ARRB1: variants seen among roughly 807,000 people sequenced by gnomAD.
ARRB1 encodes the protein beta-arrestin-1.
ARRB1 carries 21 observed loss-of-function variants against 56.8 expected under a neutral mutation model. The ratio of observed to expected loss-of-function variants is 0.37; its 90% CI spans 0.26 to 0.53. The LOEUF is 0.53. Ranked by LOEUF, ARRB1 falls within the 20% of genes least tolerant of loss-of-function variation. The probability of loss-of-function intolerance (pLI) is 0.88; values close to 1 mark genes in which losing one functional copy is unlikely to be tolerated. For missense variants in ARRB1, 424 were observed against 553.7 expected, an observed-to-expected ratio of 0.77 and a Z score of 2.35; for synonymous variants, 210 against 218.6, an observed-to-expected ratio of 0.96 and a Z score of 0.35.
At chr11:75,312,062 C>T (rs1172346232) in intron 1 of ARRB1, 2 of 1,289,502 alleles carry the variant, frequency 1.6e-6, no homozygotes, top group South Asian at 2.5e-5. Context: ...TGCTGATCAC[C>T]TCAGCCTCTC....
At chr11:75,314,686 G>C (rs1947232297) in intron 1 of ARRB1, among the ~76,000 whole-genome samples, 3 of 151,886 alleles carry the variant, frequency 2.0e-5, no homozygotes, top group Admixed American at 6.6e-5. Flanking sequence ...CTGCAGCCTT[G>C]ACCTCCCCAG....
intron 2 of ARRB1, among the ~76,000 whole-genome samples, chr11:75,289,235 CTT>C (rs1182766053): frequency 2.0e-5 from 3 of 152,234 alleles, no homozygotes; most frequent in Admixed American, 2.0e-4. Flanking sequence ...CAGCCTCTCT[CTT>C]GGCACTCTGA....
intron 1 of ARRB1, among the ~76,000 whole-genome samples, chr11:75,329,575 T>G (rs1480116725): frequency 6.6e-6 from 1 of 152,208 alleles, no homozygotes; most frequent in African/African-American, 2.4e-5. Context: ...GGTGTGACTA[T>G]GACCACTACG....
intron 3 of ARRB1, among the ~76,000 whole-genome samples, chr11:75,286,822 C>T (rs1280107201): frequency 6.6e-6 from 1 of 152,172 alleles, no homozygotes; most frequent in African/African-American, 2.4e-5. Flanking sequence ...TTCACAAGTC[C>T]TAAGAAGGGT....
intron 1 of ARRB1, among the ~76,000 whole-genome samples, chr11:75,290,345 G>A (rs1024142469): frequency 6.6e-6 from 1 of 152,158 alleles, no homozygotes; most frequent in Non-Finnish European, 1.5e-5. Context: ...AGCCTGGCAT[G>A]CTGTAAGGTC....
chr11:75,333,570 AG>A (rs1947552845), intron 1 of ARRB1, among the ~76,000 whole-genome samples: 1 of 152,210 alleles, frequency 6.6e-6, no homozygotes, highest in Non-Finnish European at 1.5e-5. Context: ...GCATGTATTG[AG>A]CACCTACTGT....
At chr11:75,310,300 C>T (rs559894962) in intron 1 of ARRB1, among the ~76,000 whole-genome samples, 1 of 152,286 alleles carries the variant, frequency 6.6e-6, no homozygotes, top group African/African-American at 2.4e-5. Context: ...ATGCGCCTGG[C>T]ATGTAACCTG....
At chr11:75,282,203 T>C (rs944574446) in intron 5 of ARRB1, 182 bp from the exon 6 acceptor site, 5 of 592,654 alleles carry the variant, frequency 8.4e-6, no homozygotes, top group Admixed American at 6.2e-5. Context: ...AAGAGCTTTC[T>C]TTATCTAAAG....
At chr11:75,340,466 G>C (rs551385479) in intron 1 of ARRB1, among the ~76,000 whole-genome samples, 1 of 152,260 alleles carries the variant, frequency 6.6e-6, no homozygotes, top group Admixed American at 6.5e-5. Context: ...GGGAGGAAAG[G>C]AGCAGGGAGG....
intron 1 of ARRB1, among the ~76,000 whole-genome samples, chr11:75,326,946 A>T (rs1323099183): frequency 6.6e-6 from 1 of 151,864 alleles, no homozygotes; most frequent in African/African-American, 2.4e-5. Context: ...AGCTCAAGTG[A>T]TCTGCCCATC....
At chr11:75,282,654 A>G (rs1239004847) in intron 5 of ARRB1, among the ~76,000 whole-genome samples, 3 of 152,170 alleles carry the variant, frequency 2.0e-5, no homozygotes. Context: ...TGACCTCCAG[A>G]GCTGTAAGCT....
rs1009069254 is a variant in ARRB1 at position 75,281,506 on chromosome 11, G to C, written c.415-364C>G. On this transcript the variant is annotated intron_variant, in intron 6 of 15. Coordinates refer to ENST00000420843, the MANE Select transcript of ARRB1 (RefSeq NM_004041.5). ...CACCCGGCCCTGGGTGGCTTATCCG[G>C]TATTCCTCTAACAAGACAAGGAGGC... 5.3e-5 allele frequency: 18 copies of C among 341,294 alleles called. No individual in the cohort carries two copies. The South Asian group carries it at 7.3e-4, about 14-fold the overall frequency. 21.1% of individuals were successfully genotyped at this position (341,294 alleles called of 1,614,324 possible).
intron 1 of ARRB1, among the ~76,000 whole-genome samples, chr11:75,310,235 T>C (rs926387934): frequency 6.6e-6 from 1 of 152,112 alleles, no homozygotes; most frequent in Non-Finnish European, 1.5e-5. Context: ...ACCTGGATAA[T>C]AGGGCAACAC....
chr11:75,286,912 G>A (rs1000624371), intron 3 of ARRB1, among the ~76,000 whole-genome samples: 1 of 152,084 alleles, frequency 6.6e-6, no homozygotes, highest in African/African-American at 2.4e-5. Flanking sequence ...TTTGAACCGG[G>A]CTCCTCTATC....
chr11:75,267,406 G>C lies in ARRB1; in HGVS notation c.1145+246C>G, dbSNP rs905154345. On this transcript the variant is annotated intron_variant, in intron 15 of 15. Coordinates refer to ENST00000420843, the MANE Select transcript of ARRB1 (RefSeq NM_004041.5). ...TGGATGGACGAACGGACTGACGGAC[G>C]GACGTGCAAGGACGAGGGAGGAAGA... Among the ~76,000 whole-genome samples, 4 of 152,180 alleles carry C rather than the reference G, an allele frequency of 2.6e-5. No homozygotes were observed. In the South Asian group the frequency reaches 6.2e-4, roughly 24 times the overall value.
intron 4 of ARRB1, among the ~76,000 whole-genome samples, chr11:75,283,713 C>A (rs1461634388): frequency 1.3e-5 from 2 of 152,166 alleles, no homozygotes; most frequent in Non-Finnish European, 2.9e-5. Flanking sequence ...CCAGCTCTGT[C>A]CTTCCCCCTC....
rs774413395 is a variant in ARRB1 at position 75,278,776 on chromosome 11, AG to A, written c.483-33del. The A allele has an allele frequency of 1.0e-5, 16 of 1,580,200 alleles. No homozygotes were observed. In the African/African-American group the frequency reaches 1.6e-4, roughly 16 times the overall value. ...GAGATGGGCGGAGTGAAAGAGGACC[AG>A]GGTCACCTGCCTTCATCCCCTCTCC... On this transcript the variant is annotated intron_variant, in intron 7 of 15. Coordinates refer to ENST00000420843, the MANE Select transcript of ARRB1 (RefSeq NM_004041.5).
intron 1 of ARRB1, among the ~76,000 whole-genome samples, chr11:75,290,685 C>T (rs372840252): frequency 7.9e-5 from 12 of 152,184 alleles, no homozygotes; most frequent in Admixed American, 2.0e-4. Context: ...TGGGCTCAAA[C>T]GATCCTCCTG....
intron 1 of ARRB1, among the ~76,000 whole-genome samples, chr11:75,344,629 TA>T (rs1181410777): frequency 1.3e-5 from 2 of 152,024 alleles, no homozygotes; most frequent in Non-Finnish European, 2.9e-5. Flanking sequence ...AACCCCCTAC[TA>T]GGACTCAAAC....
Sources: allele counts gnomAD v4.1 joint callset (sites outside exome capture counted in the v4.1 genomes callset), GRCh38; gene constraint gnomAD v4.1.1; transcripts MANE v1.5; gene names NCBI Gene and HGNC (gene_info 2026-07-23, HGNC 2026-07-21).